The following NAALADL2 variants were observed in gnomAD, a reference collection of about 807,000 sequenced individuals.
NAALADL2 encodes inactive N-acetylated-alpha-linked acidic dipeptidase-like protein 2.
A neutral mutation model predicts 87.2 loss-of-function variants in NAALADL2; 76 were observed. The observed-to-expected ratio is 0.87, with a 90% CI of 0.72 to 1.05. The LOEUF is 1.05. Among genes scored for constraint, NAALADL2 ranks in the 50% least tolerant of loss-of-function variants. NAALADL2 has a pLI of 0.00. For synonymous variants in NAALADL2, 354 were observed against 331.0 expected (o/e 1.07, Z -0.75); for missense variants, 1,089 against 945.8 (o/e 1.15, Z -1.99).
chr3:175,301,115 C>A (rs1757033012), intron 4 of NAALADL2, among the ~76,000 whole-genome samples: 1 of 152,060 alleles, frequency 6.6e-6, no homozygotes, highest in African/African-American at 2.4e-5. Flanking sequence ...TTGCTCTGAT[C>A]TTAGTTATGT....
chr3:174,454,340 G>A (rs1244607504), intron 1 of NAALADL2, among the ~76,000 whole-genome samples: 1 of 152,092 alleles, frequency 6.6e-6, no homozygotes, highest in African/African-American at 2.4e-5. Context: ...CATCGAGGGA[G>A]AAAATTAACG....
chr3:175,066,457 C>T (rs1429140055), intron 1 of NAALADL2, among the ~76,000 whole-genome samples: 1 of 152,082 alleles, frequency 6.6e-6, no homozygotes, highest in Non-Finnish European at 1.5e-5. Context: ...TATCCAGCAC[C>T]TTGCACTGAG....
intron 2 of NAALADL2, among the ~76,000 whole-genome samples, chr3:175,102,896 T>A (rs6788964): frequency 6.6e-6 from 1 of 151,756 alleles, no homozygotes; most frequent in South Asian, 2.1e-4. Flanking sequence ...GATCACGAGG[T>A]CAAGAGATTG....
chr3:175,703,728 G>C (rs921000203), intron 11 of NAALADL2, among the ~76,000 whole-genome samples: 6 of 152,128 alleles, frequency 3.9e-5, no homozygotes, highest in East Asian at 3.9e-4. Context: ...AAGTGACAGA[G>C]CGAGACTCCA....
chr3:175,473,106 AT>A (rs1725137774), intron 9 of NAALADL2, among the ~76,000 whole-genome samples: 1 of 152,276 alleles, frequency 6.6e-6, no homozygotes, highest in African/African-American at 2.4e-5. Flanking sequence ...GAAATAGTTA[AT>A]TATTAAGAAG....
At chr3:175,658,170 T>C (rs1731764604) in intron 11 of NAALADL2, among the ~76,000 whole-genome samples, 1 of 152,156 alleles carries the variant, frequency 6.6e-6, no homozygotes, top group African/African-American at 2.4e-5. Flanking sequence ...CATTTTATCA[T>C]GTCACTATAA....
At chr3:174,731,594 T>C (rs1732710878) in intron 2 of NAALADL2, among the ~76,000 whole-genome samples, 1 of 152,158 alleles carries the variant, frequency 6.6e-6, no homozygotes, top group African/African-American at 2.4e-5. Flanking sequence ...TGATTCTCTG[T>C]TTAATCCAGT....
rs73045212 is a variant in NAALADL2, at chr3:175,221,107, G to A, written c.546-12824G>A. Among the ~76,000 whole-genome samples the A allele has an allele frequency of 2.9e-3, 436 of 151,514 alleles. 2 individuals are homozygous for A. The highest frequency in any genetic ancestry group is 1.0e-2 in the African/African-American group (412 of 41,272). On this transcript the variant is annotated intron_variant, in intron 2 of 13. Transcript: ENST00000454872. ...TTAGATACTTGGGAGGCTGAGGTGG[G>A]AGAATCACTTGAACCCAGGAGGCAG...
At chr3:175,191,782 C>A (rs566981395) in intron 2 of NAALADL2, among the ~76,000 whole-genome samples, 2 of 152,222 alleles carry the variant, frequency 1.3e-5, no homozygotes, top group African/African-American at 4.8e-5. Context: ...TCACTGATTT[C>A]TTTAAGAAGT....
chr3:174,921,825 AAAG>A (rs759683410), intron 1 of NAALADL2, among the ~76,000 whole-genome samples: 1,520 of 78,388 alleles, frequency 0.019, 91 homozygotes, highest in African/African-American at 0.065. Context: ...AAAAAAAGAA[AAAG>A]AAAAAGAAAA....
At chr3:175,060,744 G>T (rs776961378) in intron 1 of NAALADL2, among the ~76,000 whole-genome samples, 31 of 152,254 alleles carry the variant, frequency 2.0e-4, no homozygotes, top group South Asian at 4.1e-4. Context: ...AGCTGACTGT[G>T]AGTTTATAAA....
chr3:175,058,950 A>G (rs1289201996), intron 1 of NAALADL2, among the ~76,000 whole-genome samples: 1 of 152,200 alleles, frequency 6.6e-6, no homozygotes, highest in African/African-American at 2.4e-5. Flanking sequence ...CTTGACTGAA[A>G]AAGAATATGA....
chr3:175,457,590 G>C (rs1005169578), intron 6 of NAALADL2, among the ~76,000 whole-genome samples: 1 of 151,908 alleles, frequency 6.6e-6, no homozygotes. Flanking sequence ...CACCATTTTA[G>C]CTAAGTGCAG....
chr3:175,017,490 G>A (rs542846882), intron 1 of NAALADL2, among the ~76,000 whole-genome samples: 8 of 152,158 alleles, frequency 5.3e-5, no homozygotes, highest in South Asian at 2.1e-4. Flanking sequence ...AATTCTGTAC[G>A]TACAAGGAAT....
Position 174,733,046 on chromosome 3 carries a change from C to A in NAALADL2, c.-114-4595C>A, listed in dbSNP as rs181028023. ...TCTATGTATAGAGAAAAACATCCTCCATAGTTGAGTGGGCTTTTTATTTAT... is the reference window on the plus strand; with the variant it reads ...TCTATGTATAGAGAAAAACATCCTCAATAGTTGAGTGGGCTTTTTATTTAT... On this transcript the variant is annotated intron_variant, in intron 2 of 3. Coordinates refer to the NAALADL2 transcript ENST00000434257. Among the ~76,000 whole-genome samples, 743 of 152,150 alleles carry A rather than the reference C, an allele frequency of 4.9e-3. 5 individuals carry two copies. The highest frequency in any genetic ancestry group is 0.011 in the South Asian group (51 of 4,822).
At chr3:175,119,965 G>T (rs751506760) in intron 2 of NAALADL2, among the ~76,000 whole-genome samples, 11 of 150,414 alleles carry the variant, frequency 7.3e-5, no homozygotes, top group Non-Finnish European at 1.6e-4. Context: ...GGGTGAGAGG[G>T]GAAAGGCCGG....
chr3:175,366,756 T>G (rs1765638865), intron 5 of NAALADL2, among the ~76,000 whole-genome samples: 1 of 150,748 alleles, frequency 6.6e-6, no homozygotes, highest in Non-Finnish European at 1.5e-5. Flanking sequence ...ATTCTGGATA[T>G]TAGCCCTTTG....
chr3:175,406,811 C>G (rs2149077295), intron 5 of NAALADL2, among the ~76,000 whole-genome samples: 1 of 152,022 alleles, frequency 6.6e-6, no homozygotes, highest in East Asian at 1.9e-4. Context: ...ACATTTTGTG[C>G]ATTTTTTTTT....
upstream of NAALADL2, among the ~76,000 whole-genome samples, chr3:174,858,025 G>A (rs1039471522): frequency 1.3e-5 from 2 of 150,680 alleles, no homozygotes; most frequent in African/African-American, 2.4e-5. Context: ...AAAAAGCAAT[G>A]GATTATAAAG....
Sources: allele counts gnomAD v4.1 joint callset (sites outside exome capture counted in the v4.1 genomes callset), GRCh38; gene constraint gnomAD v4.1.1; transcripts MANE v1.5; gene names NCBI Gene and HGNC (gene_info 2026-07-23, HGNC 2026-07-21).